RBMS3: variants seen among roughly 807,000 people sequenced by gnomAD.
RBMS3 encodes RNA-binding motif, single-stranded-interacting protein 3.
In RBMS3, 27 loss-of-function variants were observed where a neutral mutation model predicts 66.8. The ratio of observed to expected loss-of-function variants is 0.40; its 90% CI spans 0.30 to 0.56. RBMS3 has a LOEUF of 0.56. RBMS3 is among the 20% of genes least tolerant of loss of function. The pLI is 0.40. For synonymous variants in RBMS3, 188 were observed against 183.0 expected (o/e 1.03, Z -0.22); for missense variants, 513 against 549.5 (o/e 0.93, Z 0.66).
chr3:29,995,063 C>T (rs2125385179), intron 14 of RBMS3, among the ~76,000 whole-genome samples: 1 of 152,256 alleles, frequency 6.6e-6, no homozygotes, highest in South Asian at 2.1e-4. Context: ...ATAACCAATA[C>T]AGGGAAGTGC....
At chr3:29,367,665 C>T (rs190480186) in intron 1 of RBMS3, among the ~76,000 whole-genome samples, 2 of 152,140 alleles carry the variant, frequency 1.3e-5, no homozygotes, top group East Asian at 3.9e-4. Context: ...TTGTTTATTG[C>T]TGACTTTCTG....
chr3:29,905,649 C>T (rs1405702429), intron 10 of RBMS3, among the ~76,000 whole-genome samples: 1 of 152,052 alleles, frequency 6.6e-6, no homozygotes, highest in Non-Finnish European at 1.5e-5. Flanking sequence ...ACTGACAATA[C>T]CTTAATCAGA....
chr3:29,991,868 T>A (rs971299078), intron 14 of RBMS3, among the ~76,000 whole-genome samples: 6 of 152,164 alleles, frequency 3.9e-5, no homozygotes, highest in Non-Finnish European at 7.3e-5. Context: ...AAGGGTATTG[T>A]AAGATATGAA....
intron 14 of RBMS3, among the ~76,000 whole-genome samples, chr3:29,999,804 T>C (rs938090994): frequency 1.3e-5 from 2 of 152,030 alleles, no homozygotes; most frequent in Non-Finnish European, 2.9e-5. Context: ...ATATACCTAA[T>C]GCTAAATGAT....
chr3:29,379,158 C>T (rs1487228498), intron 1 of RBMS3, among the ~76,000 whole-genome samples: 1 of 152,200 alleles, frequency 6.6e-6, no homozygotes, highest in Non-Finnish European at 1.5e-5. Context: ...TAGGCCCTCA[C>T]ATACAGTGCA....
intron 3 of RBMS3, among the ~76,000 whole-genome samples, chr3:29,514,266 T>C (rs1421906992): frequency 6.6e-6 from 1 of 152,070 alleles, no homozygotes; most frequent in East Asian, 1.9e-4. Flanking sequence ...CCTATATTCG[T>C]CTCTGGGGAA....
Position 30,006,428 on chromosome 3 carries a change from G to A in RBMS3, c.*2566G>A, listed in dbSNP as rs994201668. 3 of 151,816 alleles carry A rather than the reference G, an allele frequency of 2.0e-5. No individual in the cohort carries two copies. Among genetic ancestry groups the A allele is most frequent in the South Asian group, 2.1e-4 (1 of 4,830 alleles). The allele number at this position is 151,816 out of a possible 1,614,324, so 9.4% of individuals were successfully genotyped here. On this transcript the variant is annotated 3_prime_UTR_variant, in exon 15 of 15. Transcript: ENST00000383767. ...GTGTATCCAAGAAAATGTAGTGTGC[G>A]TTATAGAGAAATTCCAACTGGTCAC...
chr3:29,354,483 C>T (rs376245695), intron 1 of RBMS3, among the ~76,000 whole-genome samples: 6 of 151,876 alleles, frequency 4.0e-5, no homozygotes, highest in Admixed American at 6.6e-5. Flanking sequence ...TGCATACATA[C>T]GTGTGTGTGT....
chr3:29,854,466 G>C (rs2059022493), intron 6 of RBMS3, among the ~76,000 whole-genome samples: 2 of 152,216 alleles, frequency 1.3e-5, no homozygotes, highest in Admixed American at 6.5e-5. Context: ...ATTAATTCTA[G>C]ATTTGAGACA....
intron 4 of RBMS3, among the ~76,000 whole-genome samples, chr3:29,710,971 T>C (rs973827200): frequency 2.0e-5 from 3 of 152,162 alleles, no homozygotes; most frequent in Non-Finnish European, 4.4e-5. Flanking sequence ...TCAGGCACTG[T>C]TCCACGCATT....
At chr3:29,402,403 T>C (rs2039849853) in intron 1 of RBMS3, among the ~76,000 whole-genome samples, 1 of 152,072 alleles carries the variant, frequency 6.6e-6, no homozygotes, top group East Asian at 1.9e-4. Flanking sequence ...TGTTTTTGTA[T>C]TCCCTGCAGA....
chr3:29,640,146 T>C (rs1310143712), intron 4 of RBMS3, among the ~76,000 whole-genome samples: 2 of 151,742 alleles, frequency 1.3e-5, no homozygotes, highest in Non-Finnish European at 1.5e-5. Context: ...TATGAGCAGA[T>C]ACAGATGTGT....
chr3:29,578,546 C>T (rs1672443877), intron 3 of RBMS3, among the ~76,000 whole-genome samples: 1 of 151,936 alleles, frequency 6.6e-6, no homozygotes, highest in Non-Finnish European at 1.5e-5. Context: ...AAATGTGTGA[C>T]TGAAGAGCAT....
intron 3 of RBMS3, among the ~76,000 whole-genome samples, chr3:29,516,926 C>A (rs1293150681): frequency 6.6e-6 from 1 of 151,980 alleles, no homozygotes; most frequent in Non-Finnish European, 1.5e-5. Flanking sequence ...AAAACATGAA[C>A]TTCTAGCCAG....
intron 12 of RBMS3, among the ~76,000 whole-genome samples, chr3:29,947,051 A>G (rs1370304052): frequency 6.6e-6 from 1 of 151,606 alleles, no homozygotes; most frequent in East Asian, 1.9e-4. Context: ...AAAAGAAGGC[A>G]GTGGTGGATG....
chr3:29,512,045 T>A (rs2044433932), intron 3 of RBMS3, among the ~76,000 whole-genome samples: 1 of 152,120 alleles, frequency 6.6e-6, no homozygotes, highest in Non-Finnish European at 1.5e-5. Context: ...TCAGAAACAC[T>A]AGGTGTTTCT....
chr3:29,448,066 C>G (rs571657522), intron 2 of RBMS3, among the ~76,000 whole-genome samples: 33 of 152,256 alleles, frequency 2.2e-4, no homozygotes, highest in Non-Finnish European at 4.0e-4. Context: ...CATCATGGGA[C>G]AAACAAGAGA....
intron 4 of RBMS3, among the ~76,000 whole-genome samples, chr3:29,684,838 A>G: frequency 6.6e-6 from 1 of 151,902 alleles, no homozygotes; most frequent in Non-Finnish European, 1.5e-5. Flanking sequence ...TGAGCTAAAG[A>G]GGATGGTCTT....
chr3:29,582,770 A>G (rs1489799529), intron 3 of RBMS3, among the ~76,000 whole-genome samples: 6 of 152,154 alleles, frequency 3.9e-5, no homozygotes, highest in African/African-American at 7.2e-5. Context: ...TAAATCCATC[A>G]TTATTCTTTA....
Sources: allele counts gnomAD v4.1 joint callset (sites outside exome capture counted in the v4.1 genomes callset), GRCh38; gene constraint gnomAD v4.1.1; transcripts MANE v1.5; gene names NCBI Gene and HGNC (gene_info 2026-07-23, HGNC 2026-07-21).